SLC16A2: variants seen among roughly 807,000 people sequenced by gnomAD.
SLC16A2 encodes the protein solute carrier family 16 member 2.
A neutral mutation model predicts 27.2 loss-of-function variants in SLC16A2; 3 were observed. The ratio of observed to expected loss-of-function variants is 0.11; its 90% confidence interval spans 0.05 to 0.28. The LOEUF (loss-of-function observed/expected upper bound fraction) is 0.28, where lower values mean the gene tolerates loss of function less well. Ranked by LOEUF, SLC16A2 falls within the 10% of genes least tolerant of loss-of-function variation. The pLI is 1.00. For missense variants in SLC16A2, 295 were observed against 458.5 expected, an observed-to-expected ratio of 0.64 and a Z score of 3.26; for synonymous variants, 202 against 187.8, an observed-to-expected ratio of 1.08 and a Z score of -0.62.
intron 1 of SLC16A2, among the ~76,000 whole-genome samples, chrX:74,517,330 T>A (rs774189522): frequency 1.8e-5 from 2 of 112,314 alleles, no homozygotes; most frequent in South Asian, 7.3e-4. Flanking sequence ...AAACATAATT[T>A]AAAGTTTCTT....
At chrX:74,473,661 G>A (rs1929403594) in intron 1 of SLC16A2, 1 of 1,076,717 alleles carries the variant, frequency 9.3e-7, no homozygotes, top group Non-Finnish European at 1.3e-6. Flanking sequence ...CCTGGTCTTT[G>A]AGAATCTTCT....
chrX:74,457,022 A>C (rs1240015791), intron 1 of SLC16A2, among the ~76,000 whole-genome samples: 1 of 110,822 alleles, frequency 9.0e-6, no homozygotes, highest in Non-Finnish European at 1.9e-5. Flanking sequence ...ATCTCTCTCT[A>C]CTTCCTATCC....
intron 1 of SLC16A2, among the ~76,000 whole-genome samples, chrX:74,474,997 T>A (rs1193573459): frequency 9.0e-6 from 1 of 111,499 alleles, no homozygotes; most frequent in Non-Finnish European, 1.9e-5. Context: ...ATATACCCAG[T>A]AATGGGATGG....
At chrX:74,498,483 G>A (rs1462213185) in intron 1 of SLC16A2, among the ~76,000 whole-genome samples, 1 of 111,032 alleles carries the variant, frequency 9.0e-6, no homozygotes, top group Non-Finnish European at 1.9e-5. Flanking sequence ...TCAGTCAGCA[G>A]CATGCATTCT....
chrX:74,486,895 C>T (rs1929730290), intron 1 of SLC16A2, among the ~76,000 whole-genome samples: 1 of 111,670 alleles, frequency 9.0e-6, no homozygotes, highest in African/African-American at 3.3e-5. Context: ...CCATGGAATA[C>T]TACGCAGCCG....
chrX:74,514,965 G>C (rs904999759), intron 1 of SLC16A2, among the ~76,000 whole-genome samples: 65 of 111,758 alleles, frequency 5.8e-4, no homozygotes, highest in African/African-American at 2.1e-3. Context: ...AAGATCCAGA[G>C]TCTCATATCT....
Position 74,430,711 on chromosome X carries a change from G to T in SLC16A2, c.430+8644G>T, listed in dbSNP as rs890262574. Among the ~76,000 whole-genome samples the T allele has an allele frequency of 7.1e-5, 8 of 112,393 alleles. No individual in the cohort carries two copies. In the Admixed American group the frequency reaches 7.5e-4, roughly 11 times the overall value. Reference sequence around the variant, plus strand: ...ACACTTATACACTGTTGGTGGAAATGTGAATTAGTTCAGCTGGAAACAGTT... The same window carrying T: ...ACACTTATACACTGTTGGTGGAAATTTGAATTAGTTCAGCTGGAAACAGTT... On this transcript the variant is annotated intron_variant, in intron 1 of 5. Transcript: ENST00000587091.
intron 1 of SLC16A2, among the ~76,000 whole-genome samples, chrX:74,505,297 C>T (rs763595911): frequency 8.9e-6 from 1 of 111,878 alleles, no homozygotes; most frequent in South Asian, 3.8e-4. Context: ...ATGTAATATC[C>T]TCTGTCCTGA....
rs1930608641 is a variant in SLC16A2 at position 74,533,764 on chromosome X, T to C, written c.*2211T>C. On this transcript the variant is annotated 3_prime_UTR_variant, in exon 6 of 6. Transcript: ENST00000587091. ...TGTGTGCTTTTGGAGAGAATGTTGA[T>C]TGGCAAAAGCAGCACAGTATTAATA... The C allele has an allele frequency of 8.9e-6, 1 of 112,808 alleles. No homozygotes were observed. Among genetic ancestry groups the C allele is most frequent in the Admixed American group, 9.4e-5 (1 of 10,686 alleles). 9.3% of individuals were successfully genotyped at this position (112,808 alleles called of 1,213,427 possible).
chrX:74,428,475 CA>C (rs1928460144), intron 1 of SLC16A2, among the ~76,000 whole-genome samples: 1 of 111,654 alleles, frequency 9.0e-6, no homozygotes, highest in African/African-American at 3.3e-5. Context: ...CTATATGTGC[CA>C]TACCCTTTTT....
At chrX:74,493,784 ATTCC>A (rs1316261300) in intron 1 of SLC16A2, among the ~76,000 whole-genome samples, 4 of 111,329 alleles carry the variant, frequency 3.6e-5, no homozygotes, top group Non-Finnish European at 7.5e-5. Context: ...AGGTGCGTGC[ATTCC>A]CTCTCTGTCT....
At chrX:74,528,893 G>T (rs747935034) in intron 4 of SLC16A2, among the ~76,000 whole-genome samples, 3 of 112,167 alleles carry the variant, frequency 2.7e-5, no homozygotes, top group East Asian at 5.6e-4. Context: ...GGCTCAGAAA[G>T]CAGAAACAAC....
chrX:74,512,370 C>A (rs1338114192), intron 1 of SLC16A2, among the ~76,000 whole-genome samples: 1 of 112,065 alleles, frequency 8.9e-6, no homozygotes, highest in African/African-American at 3.2e-5. Flanking sequence ...TCCTCTTAAT[C>A]CTATTTGCTA....
chrX:74,506,333 C>T (rs865789368), intron 1 of SLC16A2, among the ~76,000 whole-genome samples: 1 of 111,805 alleles, frequency 8.9e-6, no homozygotes, highest in South Asian at 3.8e-4. Context: ...GTCTGTAGGC[C>T]TCATGTCTTC....
chrX:74,458,219 A>G (rs1054112341), intron 1 of SLC16A2, among the ~76,000 whole-genome samples: 2 of 112,320 alleles, frequency 1.8e-5, no homozygotes, highest in African/African-American at 6.5e-5. Flanking sequence ...TTAAAATTGT[A>G]TATATTTAAG....
chrX:74,528,945 G>A (rs1242220120), intron 4 of SLC16A2, among the ~76,000 whole-genome samples: 1 of 112,027 alleles, frequency 8.9e-6, no homozygotes, highest in Non-Finnish European at 1.9e-5. Context: ...CAAACTTCTT[G>A]AGGCCAGGGG....
chrX:74,425,364 C>T (rs1171408212), intron 1 of SLC16A2, among the ~76,000 whole-genome samples: 1 of 111,269 alleles, frequency 9.0e-6, no homozygotes, highest in Non-Finnish European at 1.9e-5. Flanking sequence ...TTCCCTGGGT[C>T]CTAGGCTTGG....
intron 1 of SLC16A2, among the ~76,000 whole-genome samples, chrX:74,445,026 T>C (rs931098744): frequency 2.7e-5 from 3 of 112,333 alleles, no homozygotes; most frequent in Non-Finnish European, 5.6e-5. Context: ...CAACCTCAAA[T>C]CAATGCAAAC....
At chrX:74,530,094 T>C (rs1004187809) in intron 5 of SLC16A2, among the ~76,000 whole-genome samples, 3 of 94,844 alleles carry the variant, frequency 3.2e-5, no homozygotes, top group Admixed American at 1.1e-4. Flanking sequence ...TTTTCTCTTT[T>C]TTTTTTTTTT....
Sources: gnomAD v4.1 joint callset for allele counts (sites outside exome capture counted in the v4.1 genomes callset) on GRCh38, gnomAD v4.1.1 for gene constraint, MANE v1.5 for transcripts, NCBI Gene and HGNC (gene_info 2026-07-23, HGNC 2026-07-21) for gene names.